LINGO2: variants seen among roughly 807,000 people sequenced by gnomAD.
LINGO2 encodes the protein leucine-rich repeat and immunoglobulin-like domain-containing nogo receptor-interacting protein 2.
In LINGO2, 14 loss-of-function variants were observed where a neutral mutation model predicts 30.6. The ratio of observed to expected loss-of-function variants is 0.46; its 90% CI spans 0.30 to 0.72. The LOEUF is 0.72. Among genes scored for constraint, LINGO2 ranks in the 30% least tolerant of loss-of-function variants. LINGO2 has a pLI of 0.07. For synonymous variants in LINGO2, 317 were observed against 288.5 expected (o/e 1.10, Z -1.00); for missense variants, 729 against 751.7 (o/e 0.97, Z 0.35).
the LINGO2 span, among the ~76,000 whole-genome samples, chr9:28,755,477 C>A: frequency 6.6e-6 from 1 of 152,070 alleles, no homozygotes; most frequent in African/African-American, 2.4e-5. Flanking sequence ...TAAATGACCT[C>A]TAATATCAAG....
At chr9:28,634,745 C>T (rs60962369) in intron 1 of LINGO2, among the ~76,000 whole-genome samples, 2,931 of 152,128 alleles carry the variant, frequency 0.019, 67 homozygotes, top group African/African-American at 0.04. Context: ...CTTGGCCTCC[C>T]GAAGTGCTAG....
At chr9:28,165,475 T>C (rs1379527477) in intron 4 of LINGO2, among the ~76,000 whole-genome samples, 1 of 152,200 alleles carries the variant, frequency 6.6e-6, no homozygotes, top group Non-Finnish European at 1.5e-5. Flanking sequence ...GTTCAAACCA[T>C]ATAGTAACTT....
At chr9:28,556,512 G>A (rs1292845265) in intron 1 of LINGO2, among the ~76,000 whole-genome samples, 2 of 152,056 alleles carry the variant, frequency 1.3e-5, no homozygotes, top group Non-Finnish European at 2.9e-5. Flanking sequence ...CAAACAAATG[G>A]AAGAATATTC....
the LINGO2 span, among the ~76,000 whole-genome samples, chr9:28,939,277 A>C: frequency 1.3e-5 from 2 of 152,142 alleles, no homozygotes; most frequent in African/African-American, 4.8e-5. Context: ...TCAAAAATCT[A>C]CTATTCCATC....
intron 4 of LINGO2, among the ~76,000 whole-genome samples, chr9:28,160,442 C>G (rs1338537008): frequency 6.6e-6 from 1 of 152,166 alleles, no homozygotes; most frequent in Non-Finnish European, 1.5e-5. Flanking sequence ...ATGAAATGGA[C>G]AAAATTTCAT....
At chr9:28,016,757 C>T (rs1822861566) in intron 4 of LINGO2, among the ~76,000 whole-genome samples, 1 of 150,520 alleles carries the variant, frequency 6.6e-6, no homozygotes. Context: ...AATTCTACCA[C>T]ATGTATAAAG....
chr9:28,417,786 G>A (rs1823026560), intron 2 of LINGO2, among the ~76,000 whole-genome samples: 1 of 152,110 alleles, frequency 6.6e-6, no homozygotes, highest in African/African-American at 2.4e-5. Flanking sequence ...TTACATGCTT[G>A]TTGGATCTAC....
intron 1 of LINGO2, among the ~76,000 whole-genome samples, chr9:28,549,515 A>G (rs1336443735): frequency 6.6e-6 from 1 of 152,016 alleles, no homozygotes; most frequent in African/African-American, 2.4e-5. Context: ...AGACTTGTTC[A>G]TCTATGCTTT....
intron 4 of LINGO2, among the ~76,000 whole-genome samples, chr9:28,051,284 A>T (rs1824659620): frequency 6.6e-6 from 1 of 152,080 alleles, no homozygotes; most frequent in African/African-American, 2.4e-5. Context: ...TATTGGGTCA[A>T]GTTCATAAAA....
At chr9:28,536,948 GC>G (rs1273920221) in intron 1 of LINGO2, among the ~76,000 whole-genome samples, 1 of 152,008 alleles carries the variant, frequency 6.6e-6, no homozygotes, top group Non-Finnish European at 1.5e-5. Flanking sequence ...TAGGATTGTT[GC>G]AGATGCAACT....
chr9:28,507,103 T>G (rs1212583266), intron 1 of LINGO2, among the ~76,000 whole-genome samples: 1 of 152,064 alleles, frequency 6.6e-6, no homozygotes, highest in South Asian at 2.1e-4. Context: ...TTATACCTTA[T>G]AAGAAATTCC....
intron 3 of LINGO2, among the ~76,000 whole-genome samples, chr9:28,348,556 G>A (rs1036796287): frequency 3.9e-5 from 6 of 152,188 alleles, no homozygotes; most frequent in Admixed American, 1.3e-4. Context: ...CTGCAAGGCG[G>A]CAGCGAGGCT....
chr9:29,138,040 A>C, the LINGO2 span, among the ~76,000 whole-genome samples: 1 of 151,858 alleles, frequency 6.6e-6, no homozygotes, highest in African/African-American at 2.4e-5. Context: ...TTTTTTTATT[A>C]ATCTAGTAGC....
chr9:28,141,499 T>C (rs1827670735), intron 4 of LINGO2, among the ~76,000 whole-genome samples: 1 of 152,066 alleles, frequency 6.6e-6, no homozygotes, highest in Non-Finnish European at 1.5e-5. Context: ...TACCCAATAA[T>C]TTAAGGGATT....
intron 4 of LINGO2, among the ~76,000 whole-genome samples, chr9:28,163,644 T>G (rs1828347699): frequency 6.6e-6 from 1 of 152,000 alleles, no homozygotes; most frequent in Non-Finnish European, 1.5e-5. Context: ...CAAAAATAAA[T>G]AAAAATAAGA....
At chr9:28,164,882 G>A (rs1227352977) in intron 4 of LINGO2, among the ~76,000 whole-genome samples, 2 of 152,074 alleles carry the variant, frequency 1.3e-5, no homozygotes, top group Non-Finnish European at 2.9e-5. Flanking sequence ...TTTGCACACC[G>A]ATAAAGGGTT....
chr9:28,627,760 A>G (rs900135405), intron 1 of LINGO2, among the ~76,000 whole-genome samples: 17 of 152,064 alleles, frequency 1.1e-4, no homozygotes, highest in African/African-American at 3.6e-4. Flanking sequence ...TAATGTGCAT[A>G]AAAATAATTG....
chr9:28,687,841 T>C, the LINGO2 span, among the ~76,000 whole-genome samples: 4 of 152,122 alleles, frequency 2.6e-5, no homozygotes, highest in Admixed American at 2.6e-4. Context: ...TCTTATTTCC[T>C]GAAACACGGC....
chr9:28,525,749 T>C (rs993471788), intron 1 of LINGO2, among the ~76,000 whole-genome samples: 3 of 152,052 alleles, frequency 2.0e-5, no homozygotes, highest in Non-Finnish European at 4.4e-5. Flanking sequence ...ACTCTAAAAA[T>C]ATGTTTTTTA....
Sources: allele counts gnomAD v4.1 joint callset (sites outside exome capture counted in the v4.1 genomes callset), GRCh38; gene constraint gnomAD v4.1.1; transcripts MANE v1.5; gene names NCBI Gene and HGNC (gene_info 2026-07-23, HGNC 2026-07-21).